The following GSDMA variants were observed in gnomAD, a reference collection of about 807,000 sequenced individuals.
The protein encoded by GSDMA is gasdermin-A.
A neutral mutation model predicts 54.3 loss-of-function variants in GSDMA; 55 were observed. The observed-to-expected ratio is 1.01, with a 90% CI of 0.82 to 1.27. The LOEUF is 1.27. GSDMA is among the 50% of genes most tolerant of loss of function. The pLI, the probability that GSDMA is intolerant of heterozygous loss-of-function variation, is 0.00. For missense variants in GSDMA, 542 were observed against 542.6 expected, an observed-to-expected ratio of 1.00 and a Z score of 0.01; for synonymous variants, 211 against 224.7, an observed-to-expected ratio of 0.94 and a Z score of 0.54.
At chr17:39,972,030 G>T in intron 5 of GSDMA, 99 bp from the exon 6 acceptor site, 1 of 769,000 alleles carries the variant, frequency 1.3e-6, no homozygotes, top group Non-Finnish European at 2.2e-6. Context: ...GGGGTGCAAG[G>T]TCCTAGCCCT....
chr17:39,970,678 CA>C, intron 4 of GSDMA, 31 bp downstream of exon 4: 5 of 1,427,898 alleles, frequency 3.5e-6, no homozygotes, highest in Non-Finnish European at 4.6e-6. Flanking sequence ...CACACACACA[CA>C]CACACTCTCA....
Position 39,965,867 on chromosome 17 carries a change from G to A in GSDMA, c.180G>A (p.Leu60=). The A allele has an allele frequency of 6.4e-7, 1 of 1,559,640 alleles. No homozygotes were observed. The change falls in exon 2 of 12, where the codon CTG becomes CTA. Residue 60 remains leucine, a synonymous_variant. Transcript: ENST00000301659. The part of the protein sequence containing the change: ...GARYVRTDYT[L]LDVLEPGSSP... ...GGTACGTCCGCACCGACTACACGCT[G>A]CTGGATGTGCTTGAGCCCGGCAGCT...
rs866672492 is a variant in GSDMA, at chr17:39,971,536, C to A, written c.571C>A (p.His191Asn). ...TGTCTAATTCTAGGGATCCATAAAT[C>A]ACAAGGAGGCTGTAACCATCCCCAA... ...APLGLQGSIN[H>N]KEAVTIPKGC... is the part of the protein sequence containing the mutation. Residue 191 changes from histidine (H) to asparagine (N), a missense_variant, in exon 5 of 12, where the codon CAC becomes AAC. Coordinates refer to ENST00000301659, the MANE Select transcript of GSDMA (RefSeq NM_178171.5). The A allele has an allele frequency of 5.0e-6, 8 of 1,613,010 alleles. No individual in the cohort carries two copies. The Admixed American group carries it at 1.2e-4, about 24-fold the overall frequency.
rs1227970647 is a variant in GSDMA, at chr17:39,966,409, C to T, written c.364C>T (p.Pro122Ser). The change falls in exon 3 of 12, where the codon CCC becomes TCC. Residue 122 changes from proline (P) to serine (S), a missense_variant. Physicochemically the swap from Pro to Ser is moderately conservative, Grantham distance 74. Transcript: ENST00000301659. ...GGAGGTCCAGACACTCAGTGTGGCTCCCAAGGCCCTGGAGACCGTGCAGGA... is the reference window on the plus strand; with the variant it reads ...GGAGGTCCAGACACTCAGTGTGGCTTCCAAGGCCCTGGAGACCGTGCAGGA... ...TLEVQTLSVA[P>S]KALETVQERK... 6.2e-7 allele frequency: 1 copy of T among 1,612,078 alleles called. No homozygotes were observed. The highest frequency in any genetic ancestry group is 1.1e-5 in the South Asian group (1 of 90,902).
In GSDMA at chr17:39,974,966, T is replaced by C; in HGVS notation, c.973T>C (p.Ser325Pro). ...LEALPKDVLL[S>P]KEAVGAILYF... The stretch of plus-strand genomic sequence containing the variant: ...GGCACTCCCAAAAGATGTCCTGCTA[T>C]CAAAGGAGGCCGTGGGCGCCATCCT... The change falls in exon 10 of 12, where the codon TCA becomes CCA. Residue 325 changes from serine (S) to proline (P), a missense_variant. Coordinates refer to ENST00000301659, the MANE Select transcript of GSDMA (RefSeq NM_178171.5). 2 of 1,613,290 alleles carry C rather than the reference T, an allele frequency of 1.2e-6. No homozygotes were observed. Among genetic ancestry groups the C allele is most frequent in the African/African-American group, 1.3e-5 (1 of 75,002 alleles).
Position 39,973,759 on chromosome 17 carries a change from G to C in GSDMA, c.731-51G>C, listed in dbSNP as rs1232115523. 8 of 1,516,318 alleles carry C rather than the reference G, an allele frequency of 5.3e-6. No individual in the cohort carries two copies. In the Admixed American group the frequency reaches 1.4e-4, roughly 27 times the overall value. The allele number at this position is 1,516,318 out of a possible 1,614,324, so 93.9% of individuals were successfully genotyped here. ...AGTGTCTCAACCCCTGGGTATGGCT[G>C]CCATTCTGAAGGATTGCATTCTTAT... On this transcript the variant is annotated intron_variant, in intron 7 of 11. Coordinates refer to ENST00000301659, the MANE Select transcript of GSDMA (RefSeq NM_178171.5).
In GSDMA at chr17:39,973,791, T is replaced by A; in HGVS notation, c.731-19T>A. On this transcript the variant is annotated intron_variant, in intron 7 of 11. Coordinates refer to ENST00000301659, the MANE Select transcript of GSDMA (RefSeq NM_178171.5). The stretch of plus-strand genomic sequence containing the variant: ...TGAAGGATTGCATTCTTATCTTTTT[T>A]TTTTCCTTTTTTTCTCAGTTATCCA... 6.2e-7 allele frequency: 1 copy of A among 1,607,542 alleles called. No individual in the cohort carries two copies. The highest frequency in any genetic ancestry group is 8.5e-7 in the Non-Finnish European group (1 of 1,175,992).
In GSDMA at chr17:39,975,851, G is replaced by T. The variant is rs546621337; in HGVS notation, c.1022-73G>T. 9.2e-5 allele frequency: 102 copies of T among 1,105,168 alleles called. No homozygotes were observed. In the South Asian group the frequency reaches 1.4e-3, roughly 15 times the overall value. The allele number at this position is 1,105,168 out of a possible 1,614,324, so 68.5% of individuals were successfully genotyped here. ...CCAATGAATGAAGGCTGAAATTCTG[G>T]AAGTGCGCTATTTGGAGGCTGTAGT... On this transcript the variant is annotated intron_variant, in intron 10 of 11. Transcript: ENST00000301659.
At chr17:39,972,077 T>G (rs903574838) in intron 5 of GSDMA, 52 bp from the exon 6 acceptor site, 3 of 1,261,556 alleles carry the variant, frequency 2.4e-6, no homozygotes, top group Non-Finnish European at 3.4e-6. Context: ...AAGAAGGGAA[T>G]GTGGGGCAGC....
intron 7 of GSDMA, 63 bp from the exon 8 acceptor site, chr17:39,973,747 C>T: frequency 7.1e-7 from 1 of 1,414,494 alleles, no homozygotes; most frequent in Admixed American, 1.8e-5. Context: ...GTCTCAACCC[C>T]TGGGTATGGC....
intron 5 of GSDMA, 119 bp downstream of exon 5, chr17:39,971,739 T>A (rs1295001029): frequency 1.8e-5 from 13 of 712,008 alleles, no homozygotes; most frequent in Non-Finnish European, 3.1e-5. Flanking sequence ...TATTGTACTG[T>A]GATCCGACTG....
At position 39,976,001 on chromosome 17, in the gene GSDMA, A is replaced by C. The variant is rs1318954896; in HGVS notation, c.1095+4A>C. 1 of 1,581,130 alleles carries C rather than the reference A, an allele frequency of 6.3e-7. No homozygotes were observed. The highest frequency in any genetic ancestry group is 8.6e-7 in the Non-Finnish European group (1 of 1,162,420). The stretch of plus-strand genomic sequence containing the variant: ...CCTACCCGTGCAGCTAAAGCTGGTG[A>C]GGGAAAAACAGCAGATGCTGGGGAG... On this transcript the variant is annotated splice_donor_region_variant and intron_variant, in intron 11 of 11. Coordinates refer to ENST00000301659, the MANE Select transcript of GSDMA (RefSeq NM_178171.5).
At chr17:39,966,585 T>G in intron 3 of GSDMA, 148 bp downstream of exon 3, 1 of 683,732 alleles carries the variant, frequency 1.5e-6, no homozygotes, top group Non-Finnish European at 2.3e-6. Context: ...AGGCAACCCT[T>G]CTGGCCCATG....
intron 9 of GSDMA, 35 bp downstream of exon 9, chr17:39,974,462 A>G (rs777946050): frequency 3.2e-5 from 50 of 1,538,686 alleles, no homozygotes; most frequent in Non-Finnish European, 4.2e-5. Context: ...AGGGTGGGAG[A>G]AGGCATGTTT....
At chr17:39,967,105 G>T (rs1209937076) in intron 3 of GSDMA, among the ~76,000 whole-genome samples, 2 of 152,204 alleles carry the variant, frequency 1.3e-5, no homozygotes, top group African/African-American at 4.8e-5. Flanking sequence ...CATCCAGCAA[G>T]CATGTATATA....
chr17:39,975,261 C>T (rs1980152732), intron 10 of GSDMA, among the ~76,000 whole-genome samples: 1 of 152,070 alleles, frequency 6.6e-6, no homozygotes, highest in African/African-American at 2.4e-5. Flanking sequence ...TCAGCCTGGC[C>T]AACATGGTGA....
At position 39,971,545 on chromosome 17, in the gene GSDMA, G is replaced by A. The variant is rs754332038; in HGVS notation, c.580G>A (p.Ala194Thr). The change falls in exon 5 of 12, where the codon GCT (alanine) becomes ACT (threonine). Residue 194 changes from alanine to threonine, a missense_variant. Transcript: ENST00000301659. ...GLQGSINHKE[A>T]VTIPKGCVLA... The stretch of plus-strand genomic sequence containing the variant: ...CTAGGGATCCATAAATCACAAGGAG[G>A]CTGTAACCATCCCCAAGGGCTGCGT... 6.2e-7 allele frequency: 1 copy of A among 1,613,576 alleles called. No homozygotes were observed. Among genetic ancestry groups the A allele is most frequent in the Non-Finnish European group, 8.5e-7 (1 of 1,179,580 alleles).
chr17:39,971,761 C>A, intron 5 of GSDMA, 141 bp downstream of exon 5: 1 of 658,038 alleles, frequency 1.5e-6, no homozygotes, highest in South Asian at 1.8e-5. Context: ...AGCCATGGAG[C>A]CTGCTCTGGA....
intron 3 of GSDMA, 102 bp from the exon 4 acceptor site, chr17:39,970,380 C>A: frequency 8.8e-7 from 1 of 1,139,654 alleles, no homozygotes; most frequent in Non-Finnish European, 1.2e-6. Context: ...CCTTCCCTGC[C>A]ACCACAATGT....
Sources: gnomAD v4.1 joint callset for allele counts (sites outside exome capture counted in the v4.1 genomes callset) on GRCh38, gnomAD v4.1.1 for gene constraint, MANE v1.5 for transcripts, NCBI Gene and HGNC (gene_info 2026-07-23, HGNC 2026-07-21) for gene names.